Variants in KCTD16 observed in about 807,000 individuals in gnomAD.
KCTD16 encodes the protein BTB/POZ domain-containing protein KCTD16.
A neutral mutation model predicts 33.2 loss-of-function variants in KCTD16; 13 were observed. The observed-to-expected ratio is 0.39, with a 90% CI of 0.25 to 0.62. The LOEUF is 0.62. KCTD16 is among the 20% of genes least tolerant of loss of function. KCTD16 has a pLI of 0.50. For synonymous variants in KCTD16, 197 were observed against 195.3 expected (o/e 1.01, Z -0.07); for missense variants, 441 against 525.1 (o/e 0.84, Z 1.57).
chr5:144,477,336 A>G lies in KCTD16; in HGVS notation c.*3222A>G, dbSNP rs1472101347. On this transcript the variant is annotated 3_prime_UTR_variant, in exon 4 of 4. Transcript: ENST00000512467. ...TATAGGCACAGTTATCTTACTGAAA[A>G]TGCATGCATGGTGAATTAAAATAAA... The G allele has an allele frequency of 6.6e-6, 1 of 152,148 alleles. No homozygotes were observed. The highest frequency in any genetic ancestry group is 6.6e-5 in the Admixed American group (1 of 15,260). The allele number at this position is 152,148 out of a possible 1,614,324, so 9.4% of individuals were successfully genotyped here. A position where few individuals can be genotyped will look rare whatever the true frequency, so the allele number is the denominator to read the frequency against.
At chr5:144,273,341 A>G (rs1339271437) in intron 3 of KCTD16, among the ~76,000 whole-genome samples, 12 of 152,234 alleles carry the variant, frequency 7.9e-5, no homozygotes, top group Admixed American at 7.9e-4. Context: ...GTTGGTGAGG[A>G]TGTGGAGAAA....
At chr5:144,256,668 C>G (rs905911084) in intron 3 of KCTD16, among the ~76,000 whole-genome samples, 3 of 150,464 alleles carry the variant, frequency 2.0e-5, no homozygotes, top group African/African-American at 7.3e-5. Flanking sequence ...GGGGCTAGCC[C>G]GAGAGGGGTG....
intron 3 of KCTD16, among the ~76,000 whole-genome samples, chr5:144,272,623 T>C (rs180828648): frequency 7.9e-5 from 12 of 152,100 alleles, no homozygotes; most frequent in African/African-American, 2.7e-4. Flanking sequence ...GACAAACATA[T>C]AGACCCATAG....
At chr5:144,192,624 G>A (rs536984114) in intron 2 of KCTD16, among the ~76,000 whole-genome samples, 1 of 152,300 alleles carries the variant, frequency 6.6e-6, no homozygotes, top group South Asian at 2.1e-4. Context: ...TTGAGGCACT[G>A]TGGCTTTTTC....
chr5:144,370,651 T>A (rs1751947258), intron 3 of KCTD16, among the ~76,000 whole-genome samples: 1 of 152,222 alleles, frequency 6.6e-6, no homozygotes, highest in Non-Finnish European at 1.5e-5. Flanking sequence ...AATCTGCTAC[T>A]AATCTTTAGG....
At chr5:144,248,187 G>A (rs989662941) in intron 3 of KCTD16, among the ~76,000 whole-genome samples, 1 of 152,240 alleles carries the variant, frequency 6.6e-6, no homozygotes, top group South Asian at 2.1e-4. Context: ...GAGAAAGGGA[G>A]AGTAGGGGGC....
Position 144,221,923 on chromosome 5 carries a change from C to A in KCTD16, c.832+14377C>A, listed in dbSNP as rs978628035. Among the ~76,000 whole-genome samples, 5 of 152,352 alleles carry A rather than the reference C, an allele frequency of 3.3e-5. No individual in the cohort carries two copies. In the East Asian group the frequency reaches 5.8e-4, roughly 18 times the overall value. On this transcript the variant is annotated intron_variant, in intron 3 of 3. Coordinates refer to ENST00000512467, the MANE Select transcript of KCTD16 (RefSeq NM_020768.4). ...TCCTATTTCTCCACATCCTCCCCAG[C>A]ACCTGTTGTTTCCTGACTTTTTAAT...
intron 3 of KCTD16, among the ~76,000 whole-genome samples, chr5:144,287,556 G>A (rs1755778872): frequency 6.6e-6 from 1 of 152,244 alleles, no homozygotes. Context: ...CATGCAGTTG[G>A]TTGTCAGGTT....
chr5:144,308,221 G>A (rs138953164), intron 3 of KCTD16, among the ~76,000 whole-genome samples: 30 of 152,262 alleles, frequency 2.0e-4, no homozygotes, highest in African/African-American at 6.3e-4. Flanking sequence ...CTTTCTTTCT[G>A]TCATAGCAGC....
intron 3 of KCTD16, among the ~76,000 whole-genome samples, chr5:144,302,767 A>C (rs577064688): frequency 6.6e-6 from 1 of 152,358 alleles, no homozygotes; most frequent in East Asian, 1.9e-4. Context: ...GAATGTTTTC[A>C]AATTGCATGA....
At chr5:144,444,320 T>C (rs1296759488) in intron 3 of KCTD16, among the ~76,000 whole-genome samples, 1 of 152,020 alleles carries the variant, frequency 6.6e-6, no homozygotes, top group Non-Finnish European at 1.5e-5. Context: ...TGGGTTCCTT[T>C]CTTCCACATC....
chr5:144,395,198 T>A (rs1004668845), intron 3 of KCTD16, among the ~76,000 whole-genome samples: 1 of 152,204 alleles, frequency 6.6e-6, no homozygotes, highest in African/African-American at 2.4e-5. Context: ...AATTGGAGAA[T>A]CAGTGCAATC....
chr5:144,211,395 T>C lies in KCTD16; in HGVS notation c.832+3849T>C, dbSNP rs372818757. On this transcript the variant is annotated intron_variant, in intron 3 of 3. Transcript: ENST00000512467. Reference sequence around the variant, plus strand: ...GGTTGAGCATCCCTACTTCAAAAATTCCATGTCCAAAATGATTCAAAATCC... The same window carrying C: ...GGTTGAGCATCCCTACTTCAAAAATCCCATGTCCAAAATGATTCAAAATCC... Among the ~76,000 whole-genome samples, 18 of 152,212 alleles carry C rather than the reference T, an allele frequency of 1.2e-4. No individual in the cohort carries two copies. In the East Asian group the frequency reaches 2.1e-3, roughly 18 times the overall value.
At chr5:144,340,350 C>T (rs117539162) in intron 3 of KCTD16, among the ~76,000 whole-genome samples, 31 of 146,116 alleles carry the variant, frequency 2.1e-4, no homozygotes, top group Non-Finnish European at 4.0e-4. Flanking sequence ...TGCAGTGAGC[C>T]TAGAGTGCGT....
chr5:144,372,412 G>A (rs1231911121), intron 3 of KCTD16, among the ~76,000 whole-genome samples: 1 of 152,156 alleles, frequency 6.6e-6, no homozygotes, highest in East Asian at 1.9e-4. Context: ...GAAGGAGGAT[G>A]CAAACATACA....
chr5:144,194,579 T>C (rs17101693), intron 2 of KCTD16, among the ~76,000 whole-genome samples: 25,529 of 152,258 alleles, frequency 0.17, 2,347 homozygotes, highest in Admixed American at 0.26. Context: ...GTGTTTGTAA[T>C]AGCAAATGAT....
At chr5:144,216,142 C>G (rs889277917) in intron 3 of KCTD16, among the ~76,000 whole-genome samples, 3 of 152,130 alleles carry the variant, frequency 2.0e-5, no homozygotes, top group Non-Finnish European at 4.4e-5. Context: ...TTAGAATAAC[C>G]TTTTGTGAAT....
chr5:144,261,477 C>G (rs558155388), intron 3 of KCTD16, among the ~76,000 whole-genome samples: 19 of 152,324 alleles, frequency 1.2e-4, no homozygotes, highest in African/African-American at 4.6e-4. Flanking sequence ...TTACCTCACC[C>G]TTTGTTCCTC....
chr5:144,411,019 A>C (rs1453459732), intron 3 of KCTD16, among the ~76,000 whole-genome samples: 2 of 152,194 alleles, frequency 1.3e-5, no homozygotes, highest in Non-Finnish European at 2.9e-5. Context: ...TCTATAAAGC[A>C]CTGATGAAAA....
Sources: gnomAD v4.1 joint callset for allele counts (sites outside exome capture counted in the v4.1 genomes callset) on GRCh38, gnomAD v4.1.1 for gene constraint, MANE v1.5 for transcripts, NCBI Gene and HGNC (gene_info 2026-07-23, HGNC 2026-07-21) for gene names.